The following THSD7B variants were observed in gnomAD, a reference collection of about 807,000 sequenced individuals.
The protein encoded by THSD7B is thrombospondin type-1 domain-containing protein 7B.
THSD7B carries 138 observed loss-of-function variants against 213.6 expected under a neutral mutation model. The ratio of observed to expected loss-of-function variants is 0.65; its 90% CI spans 0.56 to 0.74. THSD7B has a LOEUF of 0.74. THSD7B is among the 30% of genes least tolerant of loss of function. THSD7B has a pLI of 0.00. For synonymous variants in THSD7B, 742 were observed against 687.0 expected, an observed-to-expected ratio of 1.08 and a Z score of -1.25; for missense variants, 1,931 against 1,991.5, an observed-to-expected ratio of 0.97 and a Z score of 0.58.
chr2:136,785,610 C>T (rs1238462567), intron 1 of THSD7B, among the ~76,000 whole-genome samples: 2 of 152,296 alleles, frequency 1.3e-5, no homozygotes, highest in East Asian at 1.9e-4. Flanking sequence ...CAAGACCAAT[C>T]GGCAAACCCA....
intron 25 of THSD7B, 59 bp downstream of exon 25, chr2:137,659,805 A>G: frequency 6.7e-7 from 1 of 1,501,060 alleles, no homozygotes; most frequent in South Asian, 1.2e-5. Context: ...TACACATGCA[A>G]TCAGATGTTC....
chr2:137,109,701 C>G (rs1688313656), intron 4 of THSD7B, among the ~76,000 whole-genome samples: 1 of 152,072 alleles, frequency 6.6e-6, no homozygotes, highest in Non-Finnish European at 1.5e-5. Context: ...GGAGGCAGAG[C>G]TCGGTGGCAA....
chr2:136,837,538 ACT>A (rs1195784420), intron 1 of THSD7B, among the ~76,000 whole-genome samples: 2 of 152,032 alleles, frequency 1.3e-5, no homozygotes, highest in African/African-American at 4.8e-5. Context: ...CAACTCTGCC[ACT>A]CTCTATTCCT....
chr2:137,238,907 G>C (rs1420411428), intron 9 of THSD7B, among the ~76,000 whole-genome samples: 1 of 151,434 alleles, frequency 6.6e-6, no homozygotes, highest in Non-Finnish European at 1.5e-5. Flanking sequence ...CTATTTTATA[G>C]ATGATTTGTG....
Position 137,517,678 on chromosome 2 carries a change from T to C in THSD7B, c.3139-45543T>C, listed in dbSNP as rs369694862. 2.6e-4 allele frequency among the ~76,000 whole-genome samples: 40 copies of C among 152,222 alleles called. No individual in the cohort carries two copies. The East Asian group carries it at 4.4e-3, about 17-fold the overall frequency. On this transcript the variant is annotated intron_variant, in intron 15 of 27. Transcript: ENST00000409968. ...AGGCTCTGAAACAGGTCCAGCCTGC[T>C]GTGCAAGCTTCTCTGCCACTTGGGC...
At chr2:137,541,620 A>G (rs1454717270) in intron 15 of THSD7B, among the ~76,000 whole-genome samples, 1 of 151,712 alleles carries the variant, frequency 6.6e-6, no homozygotes, top group African/African-American at 2.4e-5. Flanking sequence ...ATGCTACAGT[A>G]CAGAACACTG....
intron 5 of THSD7B, among the ~76,000 whole-genome samples, chr2:137,132,429 G>A (rs1327754170): frequency 6.6e-6 from 1 of 151,958 alleles, no homozygotes; most frequent in Non-Finnish European, 1.5e-5. Flanking sequence ...ATTTTTAATA[G>A]GGGAGTAATA....
chr2:136,808,251 T>TA (rs1298812096), intron 1 of THSD7B, among the ~76,000 whole-genome samples: 2 of 152,324 alleles, frequency 1.3e-5, no homozygotes, highest in Admixed American at 1.3e-4. Flanking sequence ...TTTTAAGTCT[T>TA]ACAGTTTCCA....
Position 136,893,681 on chromosome 2 carries a change from G to A in THSD7B, c.139+11364G>A, listed in dbSNP as rs2105004325. ...TTTATTGGAATCAAAGTTTTTAAAA[G>A]CCCACCTTCTTCTGTGTACCTTATG... is the stretch of plus-strand genomic sequence containing the variant. On this transcript the variant is annotated intron_variant, in intron 2 of 27. Coordinates refer to ENST00000409968, the MANE Select transcript of THSD7B (RefSeq NM_001316349.2). 1.3e-5 allele frequency among the ~76,000 whole-genome samples: 2 copies of A among 152,200 alleles called. 1 individual carries two copies. Among genetic ancestry groups the A allele is most frequent in the South Asian group, 4.1e-4 (2 of 4,828 alleles).
chr2:137,308,300 G>T (rs374773717), intron 12 of THSD7B, among the ~76,000 whole-genome samples: 1 of 151,936 alleles, frequency 6.6e-6, no homozygotes, highest in Non-Finnish European at 1.5e-5. Flanking sequence ...TGATTTTACC[G>T]GCTGTGAGCT....
intron 2 of THSD7B, among the ~76,000 whole-genome samples, chr2:136,983,522 G>C (rs1375699831): frequency 6.7e-5 from 10 of 149,094 alleles, no homozygotes; most frequent in Non-Finnish European, 1.3e-4. Context: ...TTTTTTCTGA[G>C]GAGTATCCTT....
At chr2:137,039,472 A>T (rs1686839246) in intron 2 of THSD7B, among the ~76,000 whole-genome samples, 1 of 152,212 alleles carries the variant, frequency 6.6e-6, no homozygotes, top group South Asian at 2.1e-4. Context: ...TTGTTGCTAA[A>T]CATCCTGCAA....
At chr2:137,238,503 A>ACACTATATC (rs1421625598) in intron 9 of THSD7B, among the ~76,000 whole-genome samples, 1 of 148,770 alleles carries the variant, frequency 6.7e-6, no homozygotes, top group Non-Finnish European at 1.5e-5. Context: ...TGTTTAAATA[A>ACACTATATC]CACTATATCC....
At chr2:137,380,255 T>C (rs200179404) in intron 12 of THSD7B, among the ~76,000 whole-genome samples, 1 of 73,620 alleles carries the variant, frequency 1.4e-5, no homozygotes, top group African/African-American at 6.6e-5. Context: ...CTACAAAAAA[T>C]AGAAAAAAAA....
At chr2:137,551,165 G>T (rs1263930627) in intron 15 of THSD7B, among the ~76,000 whole-genome samples, 3 of 151,926 alleles carry the variant, frequency 2.0e-5, no homozygotes, top group Non-Finnish European at 2.9e-5. Context: ...GATCTCTGAA[G>T]GTCTGTTATA....
rs535254296 is a variant in THSD7B at position 137,231,057 on chromosome 2, A to C, written c.1737A>C (p.Ser579=). The change falls in exon 8 of 28, where the codon TCA becomes TCC. Residue 579 remains serine (S), a synonymous_variant. Transcript: ENST00000409968. ...TGTTGATTGTAGGAGAAGATGTATC[A>C]GGGAGTCTTTGCCCAGTTCCCCCTC... ...VCQNDRGEDV[S]GSLCPVPPPP... 1.9e-5 allele frequency: 30 copies of C among 1,613,290 alleles called. No individual in the cohort carries two copies. In the African/African-American group the frequency reaches 2.0e-4, roughly 11 times the overall value.
intron 14 of THSD7B, among the ~76,000 whole-genome samples, chr2:137,442,648 G>C (rs933929168): frequency 6.6e-6 from 1 of 151,864 alleles, no homozygotes; most frequent in South Asian, 2.1e-4. Context: ...CCACCTAGAG[G>C]CTTCACACTA....
intron 7 of THSD7B, among the ~76,000 whole-genome samples, chr2:137,215,709 C>T (rs1681223574): frequency 6.6e-6 from 1 of 152,056 alleles, no homozygotes; most frequent in South Asian, 2.1e-4. Context: ...AGACATTGGC[C>T]AAGTTTGTTA....
chr2:136,819,959 C>T (rs1682542454), intron 1 of THSD7B, among the ~76,000 whole-genome samples: 2 of 152,088 alleles, frequency 1.3e-5, no homozygotes, highest in Non-Finnish European at 2.9e-5. Context: ...CTCCCCTTCC[C>T]CACTATTCTG....
Sources: gnomAD v4.1 joint callset for allele counts (sites outside exome capture counted in the v4.1 genomes callset) on GRCh38, gnomAD v4.1.1 for gene constraint, MANE v1.5 for transcripts, NCBI Gene and HGNC (gene_info 2026-07-23, HGNC 2026-07-21) for gene names.